The following MAML3 variants were observed in gnomAD, a reference collection of about 807,000 sequenced individuals.
The protein encoded by MAML3 is mastermind like transcriptional coactivator 3, also known as mastermind-like protein 3.
Under a neutral mutation model 101.9 loss-of-function variants are expected in MAML3, and 27 were observed. The ratio of observed to expected loss-of-function variants is 0.27; its 90% CI spans 0.20 to 0.37. The LOEUF is 0.37. Among genes scored for constraint, MAML3 ranks in the 10% least tolerant of loss-of-function variants. The probability of loss-of-function intolerance (pLI) is 1.00; values close to 1 mark genes in which losing one functional copy is unlikely to be tolerated. For missense variants in MAML3, 1,316 were observed against 1,444.9 expected (o/e 0.91, Z 1.45); for synonymous variants, 501 against 555.9 (o/e 0.90, Z 1.39).
intron 1 of MAML3, among the ~76,000 whole-genome samples, chr4:140,130,261 T>C (rs1193217679): frequency 5.3e-5 from 8 of 152,316 alleles, no homozygotes; most frequent in African/African-American, 1.9e-4. Flanking sequence ...CATGAACCCT[T>C]AGAATTGAAG....
intron 1 of MAML3, among the ~76,000 whole-genome samples, chr4:139,989,096 T>C (rs563223984): frequency 6.6e-6 from 1 of 152,156 alleles, no homozygotes. Flanking sequence ...CGACGATTTA[T>C]AAACTCTGTC....
chr4:139,949,181 A>C lies in MAML3; in HGVS notation c.469-58214T>G, dbSNP rs1039515529. Reference sequence around the variant, plus strand: ...CAGGCACGCGGCACGACACCCAGCTAATTTTTTTGTATTTTCCTAGAGATG... The same window carrying C: ...CAGGCACGCGGCACGACACCCAGCTCATTTTTTTGTATTTTCCTAGAGATG... On this transcript the variant is annotated intron_variant, in intron 1 of 4. Coordinates refer to ENST00000509479, the MANE Select transcript of MAML3 (RefSeq NM_018717.5). Among the ~76,000 whole-genome samples, 5 of 152,024 alleles carry C rather than the reference A, an allele frequency of 3.3e-5. No individual in the cohort carries two copies. In the East Asian group the frequency reaches 5.8e-4, roughly 18 times the overall value.
intron 1 of MAML3, among the ~76,000 whole-genome samples, chr4:139,916,709 T>G (rs1178367361): frequency 6.6e-6 from 1 of 152,224 alleles, no homozygotes; most frequent in Non-Finnish European, 1.5e-5. Context: ...TTTTCTTTAT[T>G]AATAGCTTTA....
chr4:139,952,313 A>G (rs1233815108), intron 1 of MAML3, among the ~76,000 whole-genome samples: 1 of 152,176 alleles, frequency 6.6e-6, no homozygotes, highest in African/African-American at 2.4e-5. Flanking sequence ...AGGTGGTTCA[A>G]TGTATGAAGT....
chr4:140,068,489 G>A (rs1224188023), intron 1 of MAML3, among the ~76,000 whole-genome samples: 4 of 152,152 alleles, frequency 2.6e-5, no homozygotes, highest in African/African-American at 9.7e-5. Flanking sequence ...GACTGATTGA[G>A]TCATTTCTTA....
chr4:139,845,010 C>G (rs531719531), intron 2 of MAML3, among the ~76,000 whole-genome samples: 2 of 150,544 alleles, frequency 1.3e-5, no homozygotes, highest in African/African-American at 5.0e-5. Context: ...CTCTCTGTCT[C>G]TCTCTCTCTC....
At chr4:139,991,951 C>T (rs1002590002) in intron 1 of MAML3, among the ~76,000 whole-genome samples, 3 of 152,126 alleles carry the variant, frequency 2.0e-5, no homozygotes, top group African/African-American at 7.2e-5. Context: ...TCACCACAAT[C>T]CAGTTTGAGG....
chr4:140,000,600 CT>C (rs1402397349), intron 1 of MAML3, among the ~76,000 whole-genome samples: 7 of 152,166 alleles, frequency 4.6e-5, no homozygotes, highest in Non-Finnish European at 8.8e-5. Context: ...TTACCCAAAC[CT>C]TTATCCCAGC....
intron 1 of MAML3, among the ~76,000 whole-genome samples, chr4:140,036,262 C>T (rs1166308700): frequency 2.0e-5 from 3 of 152,192 alleles, no homozygotes; most frequent in Non-Finnish European, 2.9e-5. Flanking sequence ...CCTGTCGTTG[C>T]CTGCCTCACT....
chr4:139,767,107 A>AAAAT (rs1164755827), intron 2 of MAML3, among the ~76,000 whole-genome samples: 5 of 152,366 alleles, frequency 3.3e-5, no homozygotes, highest in Admixed American at 3.3e-4. Flanking sequence ...GGAAACAGAC[A>AAAAT]AAATAAAACA....
intron 1 of MAML3, among the ~76,000 whole-genome samples, chr4:140,151,693 G>C (rs960489907): frequency 1.6e-4 from 24 of 148,382 alleles, no homozygotes; most frequent in Non-Finnish European, 2.2e-4. Context: ...CGCGGTGCGG[G>C]GGGGGGGGGC....
At chr4:139,819,940 T>C (rs1730948448) in intron 2 of MAML3, among the ~76,000 whole-genome samples, 1 of 152,216 alleles carries the variant, frequency 6.6e-6, no homozygotes, top group Admixed American at 6.5e-5. Flanking sequence ...AGATAGTATT[T>C]TGATGACTTG....
chr4:139,851,912 T>C (rs1256927051), intron 2 of MAML3, among the ~76,000 whole-genome samples: 1 of 152,136 alleles, frequency 6.6e-6, no homozygotes, highest in Non-Finnish European at 1.5e-5. Flanking sequence ...AACAGAGAAG[T>C]GAAAGCCGCT....
chr4:140,101,106 C>T (rs1728245688), intron 1 of MAML3, among the ~76,000 whole-genome samples: 1 of 152,112 alleles, frequency 6.6e-6, no homozygotes. Context: ...GACTGACTAA[C>T]AGCAAGGGAC....
Position 140,153,429 on chromosome 4 carries a change from G to A in MAML3, c.-102C>T, listed in dbSNP as rs1729214295. ...ATTAAAATAGTTTAAGTGGAACGCGGGGGAGACGCAAGCACATGGATGGAA... is the reference window on the plus strand; with the variant it reads ...ATTAAAATAGTTTAAGTGGAACGCGAGGGAGACGCAAGCACATGGATGGAA... On this transcript the variant is annotated 5_prime_UTR_variant, in exon 1 of 5. Coordinates refer to ENST00000509479, the MANE Select transcript of MAML3 (RefSeq NM_018717.5). The A allele has an allele frequency of 7.4e-7, 1 of 1,344,126 alleles. No individual in the cohort carries two copies. Among genetic ancestry groups the A allele is most frequent in the African/African-American group, 1.5e-5 (1 of 66,082 alleles). 83.3% of individuals were successfully genotyped at this position (1,344,126 alleles called of 1,614,324 possible). A position where few individuals can be genotyped will look rare whatever the true frequency, so the allele number is the denominator to read the frequency against.
intron 1 of MAML3, among the ~76,000 whole-genome samples, chr4:140,016,924 C>T (rs1726651035): frequency 6.6e-6 from 1 of 152,128 alleles, no homozygotes; most frequent in African/African-American, 2.4e-5. Flanking sequence ...AAAGTCAACA[C>T]CAAAAGCATA....
At chr4:139,879,910 C>A (rs1017956114) in intron 2 of MAML3, among the ~76,000 whole-genome samples, 1 of 152,136 alleles carries the variant, frequency 6.6e-6, no homozygotes, top group Admixed American at 6.5e-5. Context: ...TGGTGGCTCA[C>A]GCCTGTAATC....
At chr4:139,871,613 ATTGC>A (rs1258254727) in intron 2 of MAML3, among the ~76,000 whole-genome samples, 1 of 152,040 alleles carries the variant, frequency 6.6e-6, no homozygotes, top group East Asian at 1.9e-4. Flanking sequence ...ATGACTACCC[ATTGC>A]TTCTTGTATC....
chr4:139,989,876 CACACACAG>C (rs975516935), intron 1 of MAML3, among the ~76,000 whole-genome samples: 6 of 53,868 alleles, frequency 1.1e-4, no homozygotes, highest in Non-Finnish European at 1.0e-4. Context: ...CACACACACA[CACACACAG>C]AGAGAGAGAG....
Sources: allele counts gnomAD v4.1 joint callset (sites outside exome capture counted in the v4.1 genomes callset), GRCh38; gene constraint gnomAD v4.1.1; transcripts MANE v1.5; gene names NCBI Gene and HGNC (gene_info 2026-07-23, HGNC 2026-07-21).